CLYBL: variants seen among roughly 807,000 people sequenced by gnomAD.
CLYBL encodes citramalyl-CoA lyase.
Under a neutral mutation model 38.9 loss-of-function variants are expected in CLYBL, and 31 were observed. The observed-to-expected ratio is 0.80, with a 90% CI of 0.60 to 1.08. CLYBL has a LOEUF of 1.08. Among genes scored for constraint, CLYBL ranks in the 50% least tolerant of loss-of-function variants. The probability of loss-of-function intolerance (pLI) is 0.00; values close to 1 mark genes in which losing one functional copy is unlikely to be tolerated. For missense variants in CLYBL, 434 were observed against 411.6 expected (o/e 1.05, Z -0.47); for synonymous variants, 171 against 158.6 (o/e 1.08, Z -0.59).
At chr13:99,901,737 G>A (rs1371228507), downstream of CLYBL, among the ~76,000 whole-genome samples, 1 of 150,244 alleles carries the variant, frequency 6.7e-6, no homozygotes, top group African/African-American at 2.5e-5. Context: ...TCAGCTCACT[G>A]CAACCTCCAC....
chr13:99,780,657 T>C (rs563563454), intron 2 of CLYBL, among the ~76,000 whole-genome samples: 1 of 151,672 alleles, frequency 6.6e-6, no homozygotes, highest in East Asian at 1.9e-4. Context: ...ATTACAGGCA[T>C]GAGCCACCAT....
chr13:99,737,593 A>G (rs2048688310), intron 1 of CLYBL, among the ~76,000 whole-genome samples: 1 of 152,190 alleles, frequency 6.6e-6, no homozygotes, highest in Non-Finnish European at 1.5e-5. Context: ...CTGGGGACTC[A>G]TGACTGGTTG....
intron 1 of CLYBL, among the ~76,000 whole-genome samples, chr13:99,708,867 G>A (rs191227367): frequency 2.0e-5 from 3 of 152,236 alleles, no homozygotes; most frequent in Admixed American, 2.0e-4. Context: ...GCCTGAGGTG[G>A]GCGGATGATG....
At position 99,638,538 on chromosome 13, in the gene CLYBL, C is replaced by T. The variant is rs368899834; in HGVS notation, c.62+31781C>T. Among the ~76,000 whole-genome samples, 15 of 152,330 alleles carry T rather than the reference C, an allele frequency of 9.8e-5. No homozygotes were observed. In the South Asian group the frequency reaches 3.1e-3, roughly 32 times the overall value. ...ATGCGGGATTTCGCAGTGATCAGAA[C>T]AGTATCTGCCCAACAGTCCCACAAA... On this transcript the variant is annotated intron_variant, in intron 1 of 8. Coordinates refer to ENST00000339105, the MANE Select transcript of CLYBL (RefSeq NM_206808.5).
At chr13:99,634,634 G>A (rs1193132372) in intron 1 of CLYBL, among the ~76,000 whole-genome samples, 1 of 151,784 alleles carries the variant, frequency 6.6e-6, no homozygotes, top group Non-Finnish European at 1.5e-5. Flanking sequence ...TTGATCATTT[G>A]AATATTTTTT....
At chr13:99,854,512 G>A (rs1183065901) in intron 2 of CLYBL, among the ~76,000 whole-genome samples, 1 of 151,714 alleles carries the variant, frequency 6.6e-6, no homozygotes, top group African/African-American at 2.4e-5. Flanking sequence ...ACGGAGCTTG[G>A]TCCCAAACTA....
intron 2 of CLYBL, among the ~76,000 whole-genome samples, chr13:99,853,877 T>C (rs185366391): frequency 5.6e-4 from 85 of 152,370 alleles, no homozygotes; most frequent in African/African-American, 2.0e-3. Context: ...ACATTTTCAA[T>C]AAGATTTTCA....
chr13:99,606,725 G>A lies in CLYBL; in HGVS notation c.30G>A (p.Ala10=), dbSNP rs12873851. The change falls in exon 1 of 9, where the codon GCG becomes GCA. Residue 10 remains alanine, a synonymous_variant. Transcript: ENST00000339105. ...CGCTACGTCTGCTGCGGAGGGCGGC[G>A]CGCGGAGCTGCGGCGGCGGCGCTGC... MALRLLRRA[A]RGAAAAALLR... 5 of 1,490,468 alleles carry A rather than the reference G, an allele frequency of 3.4e-6. No individual in the cohort carries two copies. Among genetic ancestry groups the A allele is most frequent in the East Asian group, 5.7e-5 (2 of 34,830 alleles). The allele number at this position is 1,490,468 out of a possible 1,614,324, so 92.3% of individuals were successfully genotyped here.
downstream of CLYBL, among the ~76,000 whole-genome samples, chr13:99,901,695 T>C (rs1177631467): frequency 6.6e-6 from 1 of 151,412 alleles, no homozygotes; most frequent in Non-Finnish European, 1.5e-5. Flanking sequence ...AGTCTTGCTC[T>C]GTCACCCAGG....
intron 1 of CLYBL, among the ~76,000 whole-genome samples, chr13:99,772,292 C>T (rs535846405): frequency 6.6e-6 from 1 of 152,310 alleles, no homozygotes; most frequent in South Asian, 2.1e-4. Flanking sequence ...TGTCAGTAAA[C>T]AGTCCTATCT....
chr13:99,671,928 A>G (rs1219039512), intron 1 of CLYBL, among the ~76,000 whole-genome samples: 1 of 152,166 alleles, frequency 6.6e-6, no homozygotes, highest in Non-Finnish European at 1.5e-5. Flanking sequence ...TCCCAAGCAC[A>G]CAGTCCCCTT....
intron 2 of CLYBL, among the ~76,000 whole-genome samples, chr13:99,791,232 G>C (rs754891171): frequency 2.0e-5 from 3 of 152,016 alleles, no homozygotes; most frequent in Non-Finnish European, 4.4e-5. Context: ...ATGAGCCTCT[G>C]TTTCTTTAAT....
At chr13:99,692,286 G>GTTTTTTTTTT (rs71215539) in intron 1 of CLYBL, among the ~76,000 whole-genome samples, 3 of 115,920 alleles carry the variant, frequency 2.6e-5, no homozygotes, top group East Asian at 3.1e-4. Flanking sequence ...TGTTTTTTTT[G>GTTTTTTTTTT]TTTTTTTTTT....
At chr13:99,748,370 ACT>A (rs1555299144) in intron 1 of CLYBL, among the ~76,000 whole-genome samples, 1 of 145,172 alleles carries the variant, frequency 6.9e-6, no homozygotes, top group Non-Finnish European at 1.5e-5. Flanking sequence ...ACAGAGCAAG[ACT>A]CTGTCTCAAA....
intron 1 of CLYBL, among the ~76,000 whole-genome samples, chr13:99,615,357 G>C (rs913492712): frequency 2.0e-5 from 3 of 152,242 alleles, no homozygotes; most frequent in African/African-American, 7.2e-5. Context: ...TAGGAATGCA[G>C]GTTTCTAAGA....
chr13:99,846,196 T>C (rs1342328179), intron 2 of CLYBL, among the ~76,000 whole-genome samples: 1 of 151,900 alleles, frequency 6.6e-6, no homozygotes, highest in Non-Finnish European at 1.5e-5. Flanking sequence ...TCAGTATATA[T>C]TTAAGCAACA....
At chr13:99,626,354 C>T (rs2046869358) in intron 1 of CLYBL, among the ~76,000 whole-genome samples, 1 of 152,210 alleles carries the variant, frequency 6.6e-6, no homozygotes, top group Non-Finnish European at 1.5e-5. Flanking sequence ...TGAGGCCAGA[C>T]TGTGAAGGGA....
intron 1 of CLYBL, among the ~76,000 whole-genome samples, chr13:99,724,440 C>T (rs916945446): frequency 1.3e-5 from 2 of 151,882 alleles, no homozygotes; most frequent in Non-Finnish European, 2.9e-5. Flanking sequence ...GGAGTATTTT[C>T]ACACCAGGCA....
At chr13:99,635,597 A>G (rs1234864146) in intron 1 of CLYBL, among the ~76,000 whole-genome samples, 1 of 152,112 alleles carries the variant, frequency 6.6e-6, no homozygotes, top group Non-Finnish European at 1.5e-5. Context: ...GCTGTGTCCT[A>G]TGTCCTAGAA....
Sources: gnomAD v4.1 joint callset for allele counts (sites outside exome capture counted in the v4.1 genomes callset) on GRCh38, gnomAD v4.1.1 for gene constraint, MANE v1.5 for transcripts, NCBI Gene and HGNC (gene_info 2026-07-23, HGNC 2026-07-21) for gene names.